The following GAREM1 variants were observed in gnomAD, a reference collection of about 807,000 sequenced individuals.
GAREM1 encodes GRB2-associated and regulator of MAPK protein 1.
In GAREM1, 26 loss-of-function variants were observed where a neutral mutation model predicts 71.3. That is an observed-to-expected ratio of 0.36 (90% confidence interval 0.27 to 0.51). The LOEUF is 0.51. Among genes scored for constraint, GAREM1 ranks in the 20% least tolerant of loss-of-function variants. The pLI is 0.95. For missense variants in GAREM1, 1,026 were observed against 1,103.1 expected (o/e 0.93, Z 0.99); for synonymous variants, 440 against 433.2 (o/e 1.02, Z -0.20).
At chr18:32,368,780 G>A (rs2047950273) in intron 2 of GAREM1, among the ~76,000 whole-genome samples, 1 of 152,112 alleles carries the variant, frequency 6.6e-6, no homozygotes, top group African/African-American at 2.4e-5. Flanking sequence ...CAACATGAAT[G>A]TGGCTTTTCA....
chr18:32,414,838 T>C (rs112226014), intron 1 of GAREM1, among the ~76,000 whole-genome samples: 10 of 151,790 alleles, frequency 6.6e-5, no homozygotes, highest in Middle Eastern at 3.4e-3. Flanking sequence ...AAACCCAAAA[T>C]TAGTATAAGA....
At chr18:32,353,451 C>T (rs2047773036) in intron 2 of GAREM1, among the ~76,000 whole-genome samples, 1 of 152,150 alleles carries the variant, frequency 6.6e-6, no homozygotes, top group Admixed American at 6.5e-5. Flanking sequence ...AGCTTTTAAC[C>T]TTAGCCCAAC....
At chr18:32,439,451 T>C (rs1241621969) in intron 1 of GAREM1, among the ~76,000 whole-genome samples, 1 of 152,124 alleles carries the variant, frequency 6.6e-6, no homozygotes, top group Non-Finnish European at 1.5e-5. Flanking sequence ...CTGTGATTGC[T>C]TAAGTCAATT....
In GAREM1 at chr18:32,450,823, A is replaced by G. The variant is rs141359889; in HGVS notation, c.121+19485T>C. ...ATGTAAGAGGGATACAAGGTGCATC[A>G]CTTCTGAACAGAAGCTTTAAGGGGC... is the stretch of plus-strand genomic sequence containing the variant. On this transcript the variant is annotated intron_variant, in intron 1 of 5. Transcript: ENST00000269209. Among the ~76,000 whole-genome samples the G allele has an allele frequency of 1.2e-4, 19 of 152,188 alleles. 1 individual carries two copies. Among genetic ancestry groups the G allele is most frequent in the African/African-American group, 4.1e-4 (17 of 41,518 alleles).
intron 1 of GAREM1, among the ~76,000 whole-genome samples, chr18:32,462,823 T>C (rs1355627799): frequency 6.6e-6 from 1 of 152,160 alleles, no homozygotes; most frequent in African/African-American, 2.4e-5. Flanking sequence ...TAATAGATGA[T>C]AGATAGGGGT....
At chr18:32,364,807 CA>C (rs2047912396) in intron 2 of GAREM1, among the ~76,000 whole-genome samples, 2 of 151,696 alleles carry the variant, frequency 1.3e-5, no homozygotes, top group African/African-American at 2.4e-5. Context: ...CAGAGATGAA[CA>C]AAGATAATCA....
intron 1 of GAREM1, chr18:32,413,371 T>A: frequency 1.6e-6 from 1 of 641,114 alleles, no homozygotes; most frequent in Non-Finnish European, 2.7e-6. Flanking sequence ...CATACAAATG[T>A]CAATGCTGAA....
intron 1 of GAREM1, among the ~76,000 whole-genome samples, chr18:32,427,018 G>A (rs1367509888): frequency 2.6e-5 from 4 of 151,986 alleles, no homozygotes; most frequent in Admixed American, 1.3e-4. Context: ...CTTTATTCAT[G>A]CTATTGTGTG....
intron 2 of GAREM1, among the ~76,000 whole-genome samples, chr18:32,364,026 ATGTT>A (rs2047902654): frequency 1.1e-4 from 5 of 46,416 alleles, no homozygotes; most frequent in African/African-American, 8.2e-4. Flanking sequence ...ATATATATAT[ATGTT>A]TTTTTTTTTT....
At chr18:32,348,783 T>C (rs1461672504) in intron 2 of GAREM1, among the ~76,000 whole-genome samples, 1 of 152,148 alleles carries the variant, frequency 6.6e-6, no homozygotes, top group Admixed American at 6.5e-5. Flanking sequence ...AAGATGTAAT[T>C]TGCCAACTCA....
chr18:32,370,589 A>G (rs1185139605), intron 2 of GAREM1, among the ~76,000 whole-genome samples: 1 of 152,192 alleles, frequency 6.6e-6, no homozygotes. Flanking sequence ...ATTCCAACAT[A>G]AAGTAAACAT....
chr18:32,335,379 G>A (rs1202578080), intron 2 of GAREM1, among the ~76,000 whole-genome samples: 1 of 152,202 alleles, frequency 6.6e-6, no homozygotes, highest in Non-Finnish European at 1.5e-5. Context: ...TGGTCAAGCT[G>A]CAAGTGAAGA....
intron 2 of GAREM1, among the ~76,000 whole-genome samples, chr18:32,343,322 T>TG (rs1428831236): frequency 2.7e-5 from 4 of 150,438 alleles, no homozygotes; most frequent in African/African-American, 9.9e-5. Flanking sequence ...TTTTTTTTTT[T>TG]TTTTTTTTTT....
chr18:32,448,972 G>A (rs940525446), intron 1 of GAREM1, among the ~76,000 whole-genome samples: 1 of 152,170 alleles, frequency 6.6e-6, no homozygotes, highest in African/African-American at 2.4e-5. Context: ...CAATAAAGAT[G>A]ATGGACAGAA....
intron 1 of GAREM1, among the ~76,000 whole-genome samples, chr18:32,432,736 C>T (rs536164471): frequency 6.6e-6 from 1 of 152,038 alleles, no homozygotes; most frequent in African/African-American, 2.4e-5. Context: ...TGCCAAACTC[C>T]CTGAAGAAGA....
chr18:32,286,199 A>C (rs992689788), intron 4 of GAREM1, among the ~76,000 whole-genome samples: 9 of 152,198 alleles, frequency 5.9e-5, no homozygotes, highest in Non-Finnish European at 1.3e-4. Flanking sequence ...TGGTCAAAAT[A>C]GAGGGCCCTT....
intron 1 of GAREM1, among the ~76,000 whole-genome samples, chr18:32,448,576 C>A (rs2048804900): frequency 6.6e-6 from 1 of 151,678 alleles, no homozygotes; most frequent in Admixed American, 6.6e-5. Context: ...GAAGCAGAGG[C>A]TCTCTAGAAA....
chr18:32,331,469 TCA>T (rs2047534665), intron 2 of GAREM1: 1 of 152,222 alleles, frequency 6.6e-6, no homozygotes, highest in Admixed American at 6.5e-5. Context: ...ACTTACTATC[TCA>T]GTGTGGAAGC....
At chr18:32,292,865 A>G (rs138230171) in intron 3 of GAREM1, among the ~76,000 whole-genome samples, 13 of 152,312 alleles carry the variant, frequency 8.5e-5, no homozygotes, top group African/African-American at 2.9e-4. Flanking sequence ...AAAGACCAAT[A>G]AATATTCTGA....
Sources: allele counts gnomAD v4.1 joint callset (sites outside exome capture counted in the v4.1 genomes callset), GRCh38; gene constraint gnomAD v4.1.1; transcripts MANE v1.5; gene names NCBI Gene and HGNC (gene_info 2026-07-23, HGNC 2026-07-21).